RIPOR3: variants seen among roughly 807,000 people sequenced by gnomAD.
The protein encoded by RIPOR3 is RIPOR family member 3, also known as family with sequence similarity 65 member C.
Under a neutral mutation model 114.3 loss-of-function variants are expected in RIPOR3, and 95 were observed. That is an observed-to-expected ratio of 0.83 (90% CI 0.70 to 0.99). The LOEUF (loss-of-function observed/expected upper bound fraction) is 0.99. Among genes scored for constraint, RIPOR3 ranks in the 50% least tolerant of loss-of-function variants. The probability of loss-of-function intolerance (pLI) is 0.00; values close to 1 mark genes in which losing one functional copy is unlikely to be tolerated. For synonymous variants in RIPOR3, 575 were observed against 543.8 expected, an observed-to-expected ratio of 1.06 and a Z score of -0.80; for missense variants, 1,252 against 1,266.9, an observed-to-expected ratio of 0.99 and a Z score of 0.18.
chr20:50,593,157 C>G lies in RIPOR3; in HGVS notation c.2252G>C (p.Gly751Ala). The G allele has an allele frequency of 6.2e-7, 1 of 1,613,678 alleles. No homozygotes were observed. Among genetic ancestry groups the G allele is most frequent in the Non-Finnish European group, 8.5e-7 (1 of 1,180,030 alleles). ...RLLEQVVSCGGLLPGAGLPEE... is the reference protein window; with the variant it reads ...RLLEQVVSCGALLPGAGLPEE... Reference sequence around the variant, plus strand: ...TGGGAGCCCAGCTCCGGGGAGCAGCCCACCACAGCTGACCACCTGCTCCAG... The same window carrying G: ...TGGGAGCCCAGCTCCGGGGAGCAGCGCACCACAGCTGACCACCTGCTCCAG... Residue 751 changes from glycine to alanine, a missense_variant, in exon 18 of 22, where the codon GGG (glycine) becomes GCG (alanine). Coordinates refer to ENST00000327979, the MANE Select transcript of RIPOR3 (RefSeq NM_001290268.2).
chr20:50,592,557 G>A lies in RIPOR3; in HGVS notation c.2375-11C>T, dbSNP rs1244284986. On this transcript the variant is annotated splice_polypyrimidine_tract_variant and intron_variant, in intron 18 of 21. Transcript: ENST00000327979. ...CCTCGATGAGTGTCACTAGAAGACA[G>A]GAAAGAGGTGGGCCCAGGTCCCCTG... The A allele has an allele frequency of 2.7e-5, 40 of 1,499,228 alleles. No homozygotes were observed. Among genetic ancestry groups the A allele is most frequent in the Non-Finnish European group, 3.5e-5 (39 of 1,122,896 alleles). The allele number at this position is 1,499,228 out of a possible 1,614,324, so 92.9% of individuals were successfully genotyped here.
chr20:50,647,859 G>A (rs1310709657), intron 1 of RIPOR3, among the ~76,000 whole-genome samples: 4 of 152,096 alleles, frequency 2.6e-5, no homozygotes, highest in Non-Finnish European at 5.9e-5. Context: ...TACATTGGAA[G>A]CCACTGAAAT....
Position 50,602,662 on chromosome 20 carries a change from G to C in RIPOR3, c.1087-18C>G. The stretch of plus-strand genomic sequence containing the variant: ...AGGACAGACTGGAGAGGGGACACGG[G>C]AGCGGCCTCACCAGCCACCCCAGGG... On this transcript the variant is annotated intron_variant, in intron 12 of 21. Transcript: ENST00000327979. The surrounding 1 kb of genome is among the most constrained non-coding windows in gnomAD (Gnocchi z 4.3). 1 of 1,436,898 alleles carries C rather than the reference G, an allele frequency of 7.0e-7. No individual in the cohort carries two copies. The highest frequency in any genetic ancestry group is 9.2e-7 in the Non-Finnish European group (1 of 1,091,970). 89.0% of individuals were successfully genotyped at this position (1,436,898 alleles called of 1,614,324 possible). A position where few individuals can be genotyped will look rare whatever the true frequency, so the allele number is the denominator to read the frequency against.
chr20:50,691,327 G>A lies in RIPOR3; in HGVS notation c.-199C>T. On this transcript the variant is annotated 5_prime_UTR_variant, in exon 1 of 22. Transcript: ENST00000327979. ...GAAGATCGCCTTGAGGACCTGCTGC[G>A]CCCCGAGTCTTCCTTCTGGTGCAGG... 2 of 537,324 alleles carry A rather than the reference G, an allele frequency of 3.7e-6. No individual in the cohort carries two copies. The highest frequency in any genetic ancestry group is 5.1e-4 in the Middle Eastern group (1 of 1,974). The allele number at this position is 537,324 out of a possible 1,614,324, so 33.3% of individuals were successfully genotyped here.
chr20:50,593,170 C>T lies in RIPOR3; in HGVS notation c.2239G>A (p.Val747Ile). 1 of 1,613,348 alleles carries T rather than the reference C, an allele frequency of 6.2e-7. No homozygotes were observed. Among genetic ancestry groups the T allele is most frequent in the Non-Finnish European group, 8.5e-7 (1 of 1,180,020 alleles). Residue 747 changes from valine (V) to isoleucine (I), a missense_variant, in exon 18 of 22, where the codon GTC becomes ATC. By Grantham distance (29) the Val-to-Ile change is conservative. Transcript: ENST00000327979. ...IACRRLLEQV[V>I]SCGGLLPGAG... ...CCGGGGAGCAGCCCACCACAGCTGA[C>T]CACCTGCTCCAGGAGCCTGCGGCAC...
Position 50,665,336 on chromosome 20 carries a change from A to G in RIPOR3, c.3+25790T>C, listed in dbSNP as rs1220571643. 1.2e-4 allele frequency among the ~76,000 whole-genome samples: 18 copies of G among 147,534 alleles called. No homozygotes were observed. The Admixed American group carries it at 1.2e-3, about 10-fold the overall frequency. ...GTGATGTGTGACTGTGGTCCCAGCT[A>G]CTCAGGAGGCTGAGGCAAGAAGATT... On this transcript the variant is annotated intron_variant, in intron 1 of 21. Coordinates refer to ENST00000327979, the MANE Select transcript of RIPOR3 (RefSeq NM_001290268.2).
rs1296809924 is a variant in RIPOR3, at chr20:50,586,339, A to AGACTT, written c.*888_*892dup. 2 of 152,304 alleles carry AGACTT rather than the reference A, an allele frequency of 1.3e-5. No individual in the cohort carries two copies. The highest frequency in any genetic ancestry group is 2.4e-5 in the African/African-American group (1 of 41,454). 9.4% of individuals were successfully genotyped at this position (152,304 alleles called of 1,614,324 possible). Reference sequence around the variant, plus strand: ...TCAGGACATGGTTTGCTTTTTTTTAAGACTTAAATAGGAAACTAATTTTTC... The same window carrying AGACTT: ...TCAGGACATGGTTTGCTTTTTTTTAAGACTTGACTTAAATAGGAAACTAATTTTTC... On this transcript the variant is annotated 3_prime_UTR_variant, in exon 22 of 22. Coordinates refer to ENST00000327979, the MANE Select transcript of RIPOR3 (RefSeq NM_001290268.2).
In RIPOR3 at chr20:50,630,723, A is replaced by G; in HGVS notation, c.122+15T>C. ...CCACCCCTGCACCCCGAAACAGGAC[A>G]CGGGGGGAACTTACGCGATCCTCCG... On this transcript the variant is annotated intron_variant, in intron 2 of 21. Coordinates refer to ENST00000327979, the MANE Select transcript of RIPOR3 (RefSeq NM_001290268.2). 6.3e-7 allele frequency: 1 copy of G among 1,590,066 alleles called. No individual in the cohort carries two copies. Among genetic ancestry groups the G allele is most frequent in the South Asian group, 1.1e-5 (1 of 88,192 alleles).
intron 1 of RIPOR3, among the ~76,000 whole-genome samples, chr20:50,673,724 C>T (rs937940696): frequency 1.9e-4 from 29 of 152,198 alleles, no homozygotes; most frequent in Admixed American, 2.6e-4. Flanking sequence ...GGCCCCAGTC[C>T]GGCCTCACCA....
At position 50,602,478 on chromosome 20, in the gene RIPOR3, G is replaced by A. The variant is rs1359395467; in HGVS notation, c.1253C>T (p.Thr418Met). 12 of 1,559,166 alleles carry A rather than the reference G, an allele frequency of 7.7e-6. No individual in the cohort carries two copies. The highest frequency in any genetic ancestry group is 1.4e-5 in the African/African-American group (1 of 73,064). The change falls in exon 13 of 22, where the codon ACG becomes ATG. Residue 418 changes from threonine (T) to methionine (M), a missense_variant. Coordinates refer to ENST00000327979, the MANE Select transcript of RIPOR3 (RefSeq NM_001290268.2). This position sits in a 1 kb window ranked among gnomAD's most constrained non-coding sequence, Gnocchi z 4.3. ...GGTGGACGCCGACGTGCTGGTCTCC[G>A]TGTCTCGGGGGTCCTCAGAGCTGAA... ...DSFSSEDPRD[T>M]ETSTSASTSD...
At chr20:50,690,133 G>A (rs1201076462) in intron 1 of RIPOR3, among the ~76,000 whole-genome samples, 1 of 152,252 alleles carries the variant, frequency 6.6e-6, no homozygotes. Context: ...CCCCCCAGGG[G>A]AGGCATGTGG....
intron 1 of RIPOR3, among the ~76,000 whole-genome samples, chr20:50,643,249 G>A (rs1204658272): frequency 1.3e-5 from 2 of 150,938 alleles, no homozygotes; most frequent in African/African-American, 4.9e-5. Flanking sequence ...AGCCTCCCAA[G>A]TAGCTAGGAC....
chr20:50,655,493 C>T (rs956991570), intron 1 of RIPOR3, among the ~76,000 whole-genome samples: 1 of 152,216 alleles, frequency 6.6e-6, no homozygotes, highest in Non-Finnish European at 1.5e-5. Flanking sequence ...CCGAGTGAAT[C>T]TGGAATGAAT....
At chr20:50,643,496 C>T (rs1016462665) in intron 1 of RIPOR3, among the ~76,000 whole-genome samples, 51 of 151,296 alleles carry the variant, frequency 3.4e-4, no homozygotes, top group African/African-American at 1.2e-3. Flanking sequence ...GAGTTTGAGA[C>T]CAGCCTGGGC....
chr20:50,608,898 G>C lies in RIPOR3; in HGVS notation c.684+14C>G. On this transcript the variant is annotated intron_variant, in intron 9 of 21. Transcript: ENST00000327979. ...CGGGGAGCCCTGAGGATTGACCCCAGAGAGTGGCCGTACCTCATAGTGGTC... is the reference window on the plus strand; with the variant it reads ...CGGGGAGCCCTGAGGATTGACCCCACAGAGTGGCCGTACCTCATAGTGGTC... 1 of 1,597,296 alleles carries C rather than the reference G, an allele frequency of 6.3e-7. No homozygotes were observed. Among genetic ancestry groups the C allele is most frequent in the Non-Finnish European group, 8.5e-7 (1 of 1,172,302 alleles).
At chr20:50,594,275 C>CAAA (rs35958484) in intron 17 of RIPOR3, among the ~76,000 whole-genome samples, 14 of 77,620 alleles carry the variant, frequency 1.8e-4, no homozygotes, top group African/African-American at 2.7e-4. Flanking sequence ...GACTCCATCT[C>CAAA]AAAAAAAAAA....
chr20:50,689,629 C>G (rs558640007), intron 1 of RIPOR3, among the ~76,000 whole-genome samples: 1 of 152,068 alleles, frequency 6.6e-6, no homozygotes, highest in African/African-American at 2.4e-5. Flanking sequence ...GTTTTAAAGA[C>G]GAGGAAGCTG....
chr20:50,614,182 C>T (rs2084078598), intron 4 of RIPOR3, among the ~76,000 whole-genome samples: 1 of 152,094 alleles, frequency 6.6e-6, no homozygotes, highest in South Asian at 2.1e-4. Context: ...ACTACAGGCA[C>T]CCGCCACCAC....
intron 1 of RIPOR3, among the ~76,000 whole-genome samples, chr20:50,679,726 G>A (rs575171169): frequency 7.0e-4 from 104 of 147,686 alleles, no homozygotes; most frequent in Non-Finnish European, 5.1e-4. Flanking sequence ...CCGAGATCGC[G>A]CCACTGCACT....
Sources: gnomAD v4.1 joint callset for allele counts (sites outside exome capture counted in the v4.1 genomes callset) on GRCh38, gnomAD v4.1.1 for gene constraint, Gnocchi (gnomAD v3.1) non-coding constraint, MANE v1.5 for transcripts, NCBI Gene and HGNC (gene_info 2026-07-23, HGNC 2026-07-21) for gene names.